The following SCN2B variants were observed in gnomAD, a reference collection of about 807,000 sequenced individuals.
SCN2B encodes the protein sodium channel regulatory subunit beta-2.
A neutral mutation model predicts 18.2 loss-of-function variants in SCN2B; 14 were observed. That is an observed-to-expected ratio of 0.77 (90% confidence interval 0.51 to 1.21). The LOEUF is 1.21. SCN2B is among the 50% of genes most tolerant of loss of function. The pLI is 0.00. For missense variants in SCN2B, 262 were observed against 286.9 expected (o/e 0.91, Z 0.63); for synonymous variants, 115 against 115.3 (o/e 1.00, Z 0.02).
At chr11:118,174,020 C>A (rs1055238389) in intron 1 of SCN2B, among the ~76,000 whole-genome samples, 1 of 151,160 alleles carries the variant, frequency 6.6e-6, no homozygotes, top group Non-Finnish European at 1.5e-5. Context: ...ACTCTTGATA[C>A]TCCTTCTTCA....
rs1948375700 is a variant in SCN2B at position 118,165,793 on chromosome 11, A to C, written c.*1094T>G. 6.6e-6 allele frequency: 1 copy of C among 152,288 alleles called. No individual in the cohort carries two copies. 9.4% of individuals were successfully genotyped at this position (152,288 alleles called of 1,614,324 possible). On this transcript the variant is annotated 3_prime_UTR_variant, in exon 4 of 4. Coordinates refer to ENST00000278947, the MANE Select transcript of SCN2B (RefSeq NM_004588.5). ...TTGTCACTTTTGTCCCCACGAAGGG[A>C]GTTGTTGGGAGAGGAGCGAGTAGTG... is the stretch of plus-strand genomic sequence containing the variant.
intron 1 of SCN2B, among the ~76,000 whole-genome samples, chr11:118,174,091 C>CTTTTTTTTTTCTTTTTTTTTTTT (rs1948449565): frequency 1.5e-5 from 1 of 66,626 alleles, no homozygotes; most frequent in African/African-American, 6.4e-5. Flanking sequence ...TTTTTCTTTT[C>CTTTTTTTTTTCTTTTTTTTTTTT]TTTTTTTTTT....
chr11:118,166,990 C>A lies in SCN2B; in HGVS notation c.545G>T (p.Cys182Phe). The change falls in exon 4 of 4, where the codon TGT becomes TTT. Residue 182 changes from cysteine (C) to phenylalanine (F), a missense_variant. Coordinates refer to ENST00000278947, the MANE Select transcript of SCN2B (RefSeq NM_004588.5). ...VVILVLMVVK[C>F]VRRKKEQKLS... ...CTTCTGCTCTTTTTTTCTCCTCACA[C>A]ACTTGACCACCATCAGCACCAAGAT... The A allele has an allele frequency of 6.2e-7, 1 of 1,614,100 alleles. No individual in the cohort carries two copies. The highest frequency in any genetic ancestry group is 8.5e-7 in the Non-Finnish European group (1 of 1,180,040).
chr11:118,169,014 G>A (rs1295936993), intron 1 of SCN2B, among the ~76,000 whole-genome samples: 3 of 152,126 alleles, frequency 2.0e-5, no homozygotes, highest in African/African-American at 7.2e-5. Flanking sequence ...TCTCACCTCA[G>A]CCTCCCAAGT....
At chr11:118,176,261 A>C in intron 1 of SCN2B, 101 bp downstream of exon 1, 500 of 978,692 alleles carry the variant, frequency 5.1e-4, no homozygotes, top group East Asian at 7.8e-4. Flanking sequence ...CACAGAGGGA[A>C]AGCGCTAGCA....
In SCN2B at chr11:118,176,519, T is replaced by TA. The variant is rs1327726948; in HGVS notation, c.-89dup. On this transcript the variant is annotated 5_prime_UTR_variant, in exon 1 of 4. An upstream open reading frame in the 5' UTR gains an earlier in-frame stop. Transcript: ENST00000278947. The stretch of plus-strand genomic sequence containing the variant: ...CTACAAGGGAGGAATGGTTGGATGC[T>TA]AAAAAAAAATGCACGGATGTACTTC... 3.6e-4 allele frequency: 322 copies of TA among 902,252 alleles called. No homozygotes were observed. The highest frequency in any genetic ancestry group is 7.7e-4 in the East Asian group (31 of 40,072). 55.9% of individuals were successfully genotyped at this position (902,252 alleles called of 1,614,324 possible). A position where few individuals can be genotyped will look rare whatever the true frequency, so the allele number is the denominator to read the frequency against.
At chr11:118,173,660 A>T (rs17121824) in intron 1 of SCN2B, among the ~76,000 whole-genome samples, 1 of 152,154 alleles carries the variant, frequency 6.6e-6, no homozygotes, top group Non-Finnish European at 1.5e-5. Context: ...CATTATTGCT[A>T]TTATTGTTGC....
At chr11:118,174,096 T>TTTTTTTTTTTTTG (rs1948450281) in intron 1 of SCN2B, among the ~76,000 whole-genome samples, 2 of 87,222 alleles carry the variant, frequency 2.3e-5, no homozygotes, top group African/African-American at 3.0e-4. Context: ...CTTTTCTTTT[T>TTTTTTTTTTTTTG]TTTTTTTTTT....
intron 3 of SCN2B, among the ~76,000 whole-genome samples, 191 bp from the exon 4 acceptor site, chr11:118,167,277 G>T (rs1948392952): frequency 6.6e-6 from 1 of 152,226 alleles, no homozygotes; most frequent in Admixed American, 6.5e-5. Flanking sequence ...GACACCCAAA[G>T]CCCCCAGAGG....
chr11:118,168,076 A>G lies in SCN2B; in HGVS notation c.448+9T>C. ...GTCAGGGCCCCGCAGCTGGCACCCC[A>G]GCCTTCACCTTCCATGAGGACCTGC... On this transcript the variant is annotated intron_variant, in intron 3 of 3. Coordinates refer to ENST00000278947, the MANE Select transcript of SCN2B (RefSeq NM_004588.5). This position sits in a 1 kb window ranked among gnomAD's most constrained non-coding sequence, Gnocchi z 4.7. 2 of 1,612,412 alleles carry G rather than the reference A, an allele frequency of 1.2e-6. No homozygotes were observed. Among genetic ancestry groups the G allele is most frequent in the Non-Finnish European group, 1.7e-6 (2 of 1,179,070 alleles).
Position 118,166,955 on chromosome 11 carries a change from C to T in SCN2B, c.580G>A (p.Asp194Asn). The T allele has an allele frequency of 6.2e-7, 1 of 1,614,210 alleles. No individual in the cohort carries two copies. ...CCCTCCTCCTCGGTCTTCAGGTCAT[C>T]TGTGCTCAGCTTCTGCTCTTTTTTT... ...RRKKEQKLST[D>N]DLKTEEEGKT... Residue 194 changes from aspartate to asparagine, a missense_variant, in exon 4 of 4, where the codon GAT becomes AAT. Transcript: ENST00000278947.
intron 1 of SCN2B, among the ~76,000 whole-genome samples, chr11:118,174,108 T>G (rs1214477174): frequency 1.5e-5 from 2 of 132,926 alleles, no homozygotes; most frequent in East Asian, 4.3e-4. Flanking sequence ...TTTTTTTTTT[T>G]TTTTTTTTTT....
chr11:118,168,354 G>T lies in SCN2B; in HGVS notation c.238-59C>A. Reference sequence around the variant, plus strand: ...GGATGAGCAAGGAACTACAAGGACAGTGAGGATGCCCCCTCTTCCCATCCA... The same window carrying T: ...GGATGAGCAAGGAACTACAAGGACATTGAGGATGCCCCCTCTTCCCATCCA... On this transcript the variant is annotated intron_variant, in intron 2 of 3. Coordinates refer to ENST00000278947, the MANE Select transcript of SCN2B (RefSeq NM_004588.5). This position sits in a 1 kb window ranked among gnomAD's most constrained non-coding sequence, Gnocchi z 4.7. The T allele has an allele frequency of 6.7e-7, 1 of 1,483,490 alleles. No homozygotes were observed. The highest frequency in any genetic ancestry group is 9.4e-7 in the Non-Finnish European group (1 of 1,061,838). 91.9% of individuals were successfully genotyped at this position (1,483,490 alleles called of 1,614,324 possible). A position where few individuals can be genotyped will look rare whatever the true frequency, so the allele number is the denominator to read the frequency against.
chr11:118,168,422 C>CT lies in SCN2B; in HGVS notation c.238-128dup, dbSNP rs1336263086. The CT allele has an allele frequency of 5.7e-5, 72 of 1,259,710 alleles. No homozygotes were observed. In the Admixed American group the frequency reaches 1.2e-3, roughly 21 times the overall value. 78.0% of individuals were successfully genotyped at this position (1,259,710 alleles called of 1,614,324 possible). A position where few individuals can be genotyped will look rare whatever the true frequency, so the allele number is the denominator to read the frequency against. On this transcript the variant is annotated intron_variant, in intron 2 of 3. Transcript: ENST00000278947. The surrounding 1 kb of genome is among the most constrained non-coding windows in gnomAD (Gnocchi z 4.7). Reference sequence around the variant, plus strand: ...AGAGGCAGTTACCTCTGTGAGGCACCTGGATGCGCAGCACACCTTGTTTCA... The same window carrying CT: ...AGAGGCAGTTACCTCTGTGAGGCACCTTGGATGCGCAGCACACCTTGTTTCA...
Position 118,166,883 on chromosome 11 carries a change from C to G in SCN2B, c.*4G>C. On this transcript the variant is annotated 3_prime_UTR_variant, in exon 4 of 4. Transcript: ENST00000278947. The stretch of plus-strand genomic sequence containing the variant: ...ACACGGGAGGCTGCAGGGCCGGCCA[C>G]CCACTACTTGGCGCCATCATCCGGG... 6.2e-7 allele frequency: 1 copy of G among 1,613,864 alleles called. No individual in the cohort carries two copies. Among genetic ancestry groups the G allele is most frequent in the Non-Finnish European group, 8.5e-7 (1 of 1,179,996 alleles).
intron 1 of SCN2B, among the ~76,000 whole-genome samples, chr11:118,174,216 G>A (rs964976041): frequency 2.7e-5 from 4 of 147,818 alleles, no homozygotes; most frequent in African/African-American, 7.5e-5. Context: ...CTGGGATACA[G>A]GCGTGAGCCA....
In SCN2B at chr11:118,163,914, G is replaced by A. The variant is rs988928342; in HGVS notation, c.*2973C>T. On this transcript the variant is annotated 3_prime_UTR_variant, in exon 4 of 4. Transcript: ENST00000278947. ...ATTTTGCTCCCAACTTCACCATCCT[G>A]GGGGAGGCAGCTCTATGAGTCCTCT... 4 of 152,214 alleles carry A rather than the reference G, an allele frequency of 2.6e-5. No individual in the cohort carries two copies. The highest frequency in any genetic ancestry group is 2.6e-4 in the Admixed American group (4 of 15,282). The allele number at this position is 152,214 out of a possible 1,614,324, so 9.4% of individuals were successfully genotyped here.
chr11:118,172,686 C>T (rs1034091278), intron 1 of SCN2B, among the ~76,000 whole-genome samples: 8 of 152,222 alleles, frequency 5.3e-5, no homozygotes, highest in Non-Finnish European at 1.0e-4. Context: ...GATCCAAAAC[C>T]TCAGCAGTGG....
Position 118,174,091 on chromosome 11 carries a change from C to CTTTTGTTTTTTT in SCN2B, c.70+2270_70+2271insAAAAAAACAAAA, listed in dbSNP as rs1555101438. On this transcript the variant is annotated intron_variant, in intron 1 of 3. Transcript: ENST00000278947. ...ACCATGCCTGGCTTATTTTTCTTTT[C>CTTTTGTTTTTTT]TTTTTTTTTTTTTTTTTTTTTTTTT... Among the ~76,000 whole-genome samples, 275 of 66,676 alleles carry CTTTTGTTTTTTT rather than the reference C, an allele frequency of 4.1e-3. 30 individuals carry two copies. The highest frequency in any genetic ancestry group is 0.011 in the African/African-American group (173 of 15,548). The allele number at this position is 66,676 out of a possible 152,430, so 43.7% of individuals were successfully genotyped here.
Sources: gnomAD v4.1 joint callset for allele counts (sites outside exome capture counted in the v4.1 genomes callset) on GRCh38, gnomAD v4.1.1 for gene constraint, Gnocchi (gnomAD v3.1) non-coding constraint, MANE v1.5 for transcripts, NCBI Gene and HGNC (gene_info 2026-07-23, HGNC 2026-07-21) for gene names.